PTK2: variants seen among roughly 807,000 people sequenced by gnomAD.
PTK2 encodes the protein focal adhesion kinase 1.
Under a neutral mutation model 150.1 loss-of-function variants are expected in PTK2, and 45 were observed. That is an observed-to-expected ratio of 0.30 (90% CI 0.24 to 0.38). The LOEUF is 0.38. Among genes scored for constraint, PTK2 ranks in the 10% least tolerant of loss-of-function variants. The pLI is 1.00. For synonymous variants in PTK2, 432 were observed against 449.2 expected (o/e 0.96, Z 0.48); for missense variants, 919 against 1,307.3 (o/e 0.70, Z 4.58).
At chr8:140,672,196 C>T in intron 29 of PTK2, 1 of 447,308 alleles carries the variant, frequency 2.2e-6, no homozygotes, top group Non-Finnish European at 4.5e-6. Flanking sequence ...CATTCTGTCC[C>T]CTTTTCTTTT....
chr8:140,825,427 C>T (rs1437365215), intron 8 of PTK2, among the ~76,000 whole-genome samples: 2 of 152,106 alleles, frequency 1.3e-5, no homozygotes, highest in African/African-American at 4.8e-5. Context: ...ATCATGTGTT[C>T]CTGGTAGTAT....
intron 5 of PTK2, among the ~76,000 whole-genome samples, chr8:140,849,450 T>G (rs752535891): frequency 1.3e-5 from 2 of 152,252 alleles, no homozygotes; most frequent in Non-Finnish European, 2.9e-5. Flanking sequence ...TGACCACCTG[T>G]CTTCCACTAA....
intron 2 of PTK2, 102 bp from the exon 3 acceptor site, chr8:140,890,871 A>T (rs987150978): frequency 3.1e-5 from 31 of 1,000,354 alleles, no homozygotes; most frequent in Non-Finnish European, 4.2e-5. Context: ...CTCTCTTGAT[A>T]TGTTATATGC....
At chr8:140,682,116 C>T (rs943759018) in intron 27 of PTK2, among the ~76,000 whole-genome samples, 1 of 152,180 alleles carries the variant, frequency 6.6e-6, no homozygotes, top group African/African-American at 2.4e-5. Context: ...ACTTTTACAA[C>T]CATGTAGTAA....
intron 17 of PTK2, among the ~76,000 whole-genome samples, chr8:140,748,475 C>A (rs560175734): frequency 2.3e-4 from 30 of 132,992 alleles, no homozygotes; most frequent in African/African-American, 8.7e-4. Context: ...CCAGCCTGGG[C>A]GACAGACTGA....
At chr8:140,789,280 T>TAAAA (rs201077713) in intron 14 of PTK2, among the ~76,000 whole-genome samples, 194 bp downstream of exon 14, 1 of 123,736 alleles carries the variant, frequency 8.1e-6, no homozygotes, top group Non-Finnish European at 1.7e-5. Flanking sequence ...TGTCCCATCT[T>TAAAA]AAAAAAAAAA....
intron 26 of PTK2, among the ~76,000 whole-genome samples, chr8:140,688,105 C>G (rs1458164951): frequency 6.6e-6 from 1 of 152,150 alleles, no homozygotes; most frequent in Non-Finnish European, 1.5e-5. Flanking sequence ...TTTTGGATCA[C>G]TTATGGAAAA....
intron 7 of PTK2, among the ~76,000 whole-genome samples, chr8:140,832,187 T>C (rs1467905833): frequency 1.3e-5 from 2 of 152,152 alleles, no homozygotes; most frequent in Non-Finnish European, 2.9e-5. Flanking sequence ...CCCAAGTAGC[T>C]GGGTTTACAG....
rs2100096640 is a variant in PTK2 at position 140,803,700 on chromosome 8, TCA to T, written c.868-52_868-51del. On this transcript the variant is annotated intron_variant, in intron 10 of 31. Coordinates refer to ENST00000522684, the Ensembl canonical transcript of PTK2. ...TTAGACTACGGATAAAAAACTCATT[TCA>T]CAGAGTCTGTAAATGTTCTGTGAAA... 3.4e-6 allele frequency: 5 copies of T among 1,471,544 alleles called. No homozygotes were observed. In the South Asian group the frequency reaches 5.7e-5, roughly 17 times the overall value. 91.2% of individuals were successfully genotyped at this position (1,471,544 alleles called of 1,614,324 possible). A position where few individuals can be genotyped will look rare whatever the true frequency, so the allele number is the denominator to read the frequency against.
chr8:140,678,360 T>C (rs2153489367), intron 27 of PTK2, among the ~76,000 whole-genome samples: 1 of 151,946 alleles, frequency 6.6e-6, no homozygotes, highest in Admixed American at 6.6e-5. Flanking sequence ...TATTTTTATT[T>C]TTCTGAGACA....
At chr8:140,870,604 G>C (rs1177315326) in intron 4 of PTK2, among the ~76,000 whole-genome samples, 1 of 152,172 alleles carries the variant, frequency 6.6e-6, no homozygotes, top group African/African-American at 2.4e-5. Context: ...ACAAAATCCA[G>C]ATGAGGGGAA....
intron 27 of PTK2, among the ~76,000 whole-genome samples, chr8:140,682,908 C>A (rs1043210821): frequency 6.6e-6 from 1 of 152,012 alleles, no homozygotes; most frequent in African/African-American, 2.4e-5. Context: ...TTAAAAAGAT[C>A]TCAAATTAAT....
intron 2 of PTK2, among the ~76,000 whole-genome samples, chr8:140,907,539 T>C (rs1055760142): frequency 2.6e-5 from 4 of 152,138 alleles, no homozygotes; most frequent in African/African-American, 9.7e-5. Context: ...TGATAATTCA[T>C]CCAACTGCCT....
intron 22 of PTK2, chr8:140,718,062 T>G: frequency 4.0e-6 from 1 of 248,504 alleles, no homozygotes; most frequent in South Asian, 6.2e-5. Flanking sequence ...ACGCAGCACT[T>G]TATCAAGCAT....
chr8:140,789,478 C>T lies in PTK2; in HGVS notation c.1173G>A (p.Val391=), dbSNP rs2100087094. ...CTGCTACCTAGAGCCCCTTACCTGACACAGAGACGGCGTGTGTCCGCATGC... is the reference window on the plus strand; with the variant it reads ...CTGCTACCTAGAGCCCCTTACCTGATACAGAGACGGCGTGTGTCCGCATGC... Residue 391 remains valine, a synonymous_variant, in exon 14 of 32, where the codon GTG becomes GTA. Transcript: ENST00000522684. 4 of 1,613,294 alleles carry T rather than the reference C, an allele frequency of 2.5e-6. No individual in the cohort carries two copies. In the East Asian group the frequency reaches 8.9e-5, roughly 36 times the overall value.
chr8:140,819,105 C>T (rs1285240127), intron 8 of PTK2, 85 bp from the exon 9 acceptor site: 1 of 1,352,828 alleles, frequency 7.4e-7, no homozygotes, highest in Non-Finnish European at 1.0e-6. Context: ...TCTTTCCTAC[C>T]AACTACTTAC....
At chr8:140,914,140 T>C (rs887292601) in intron 2 of PTK2, among the ~76,000 whole-genome samples, 3 of 152,206 alleles carry the variant, frequency 2.0e-5, no homozygotes, top group Non-Finnish European at 2.9e-5. Context: ...GAAGTTAATA[T>C]ACACCTAAAT....
At chr8:140,820,149 G>T (rs566164593) in intron 8 of PTK2, among the ~76,000 whole-genome samples, 5 of 132,790 alleles carry the variant, frequency 3.8e-5, no homozygotes, top group African/African-American at 1.4e-4. Flanking sequence ...GCCCAGACTG[G>T]AGTGCGGTGG....
intron 8 of PTK2, 24 bp from the exon 9 acceptor site, chr8:140,819,044 A>C: frequency 1.2e-6 from 2 of 1,607,760 alleles, no homozygotes; most frequent in Non-Finnish European, 1.7e-6. Context: ...TTACCAAAAC[A>C]TCTTGTAAAA....
Sources: allele counts gnomAD v4.1 joint callset (sites outside exome capture counted in the v4.1 genomes callset), GRCh38; gene constraint gnomAD v4.1.1; transcripts MANE v1.5; gene names NCBI Gene and HGNC (gene_info 2026-07-23, HGNC 2026-07-21).